RPUSD4: variants seen among roughly 807,000 people sequenced by gnomAD.
RPUSD4 encodes the protein RNA pseudouridine synthase D4, also known as pseudouridylate synthase RPUSD4, mitochondrial.
Under a neutral mutation model 35.4 loss-of-function variants are expected in RPUSD4, and 37 were observed. The observed-to-expected ratio is 1.04, with a 90% CI of 0.80 to 1.37. The LOEUF (loss-of-function observed/expected upper bound fraction) is 1.37. Ranked by LOEUF, RPUSD4 falls within the 40% of genes most tolerant of loss-of-function variation. RPUSD4 has a pLI of 0.00. For missense variants in RPUSD4, 507 were observed against 484.9 expected (o/e 1.05, Z -0.43); for synonymous variants, 210 against 192.7 (o/e 1.09, Z -0.74).
In RPUSD4 at chr11:126,203,596, G is replaced by C; in HGVS notation, c.956C>G (p.Pro319Arg). 1 of 1,614,190 alleles carries C rather than the reference G, an allele frequency of 6.2e-7. No homozygotes were observed. The change falls in exon 7 of 7, where the codon CCC (proline) becomes CGC (arginine). Residue 319 changes from proline (P) to arginine (R), a missense_variant. Pro to Arg is a moderately radical substitution (Grantham distance 103, BLOSUM62 -2). Transcript: ENST00000298317. ...GLEQSKARYIPLHLHARQLIL... is the reference protein window; with the variant it reads ...GLEQSKARYIRLHLHARQLIL... ...CAGCTGCCGGGCGTGCAGGTGAAGGGGGATGTAGCGGGCCTTCGACTGTTC... is the reference window on the plus strand; with the variant it reads ...CAGCTGCCGGGCGTGCAGGTGAAGGCGGATGTAGCGGGCCTTCGACTGTTC...
rs1329361784 is a variant in RPUSD4, at chr11:126,204,242, A to G, written c.883T>C (p.Leu295=). The G allele has an allele frequency of 1.9e-6, 3 of 1,613,064 alleles. No homozygotes were observed. Among genetic ancestry groups the G allele is most frequent in the Non-Finnish European group, 2.5e-6 (3 of 1,179,404 alleles). The change falls in exon 6 of 7, where the codon TTG becomes CTG. Residue 295 remains leucine (L), a synonymous_variant. Coordinates refer to ENST00000298317, the MANE Select transcript of RPUSD4 (RefSeq NM_032795.3). ...GDHKYSDWNR[L]APQKLSVGTL... ...CAAATTAGTATTACCTGGGGGGCCAACCTATTCCAGTCTGAGTACTTGTGA... is the reference window on the plus strand; with the variant it reads ...CAAATTAGTATTACCTGGGGGGCCAGCCTATTCCAGTCTGAGTACTTGTGA...
chr11:126,205,544 C>A lies in RPUSD4; in HGVS notation c.720G>T (p.Ala240=), dbSNP rs758635318. 6.2e-7 allele frequency: 1 copy of A among 1,614,248 alleles called. No individual in the cohort carries two copies. Among genetic ancestry groups the A allele is most frequent in the East Asian group, 2.2e-5 (1 of 44,892 alleles). Residue 240 remains alanine (A), a synonymous_variant, in exon 5 of 7, where the codon GCG becomes GCT. Coordinates refer to ENST00000298317, the MANE Select transcript of RPUSD4 (RefSeq NM_032795.3). ...KMVKVRRSRN[A]QVAVTQYQVL... Reference sequence around the variant, plus strand: ...CCTGGTACTGAGTTACAGCAACTTGCGCATTCCGGCTGCGCCGCACTTTCA... The same window carrying A: ...CCTGGTACTGAGTTACAGCAACTTGAGCATTCCGGCTGCGCCGCACTTTCA...
At chr11:126,203,678 C>T in intron 6 of RPUSD4, 21 bp from the exon 7 acceptor site, 1 of 1,599,464 alleles carries the variant, frequency 6.3e-7, no homozygotes, top group South Asian at 1.1e-5. Context: ...AAAGGACAGA[C>T]CCTTGAGAGC....
intron 1 of RPUSD4, 107 bp downstream of exon 1, chr11:126,211,343 G>A: frequency 8.0e-7 from 1 of 1,257,142 alleles, no homozygotes; most frequent in Non-Finnish European, 1.1e-6. Flanking sequence ...CTTGCGTCCG[G>A]GCTATTGACT....
In RPUSD4 at chr11:126,203,159, C is replaced by T. The variant is rs960876972; in HGVS notation, c.*259G>A. The T allele has an allele frequency of 6.6e-5, 29 of 440,222 alleles. No homozygotes were observed. Among genetic ancestry groups the T allele is most frequent in the Non-Finnish European group, 1.1e-4 (26 of 245,056 alleles). 27.3% of individuals were successfully genotyped at this position (440,222 alleles called of 1,614,324 possible). A position where few individuals can be genotyped will look rare whatever the true frequency, so the allele number is the denominator to read the frequency against. ...GTTCCATATTGGCAATGAGAGCCCA[C>T]GGCAGGGAGACTTCCAGCAGGCTTT... is the stretch of plus-strand genomic sequence containing the variant. On this transcript the variant is annotated 3_prime_UTR_variant, in exon 7 of 7. Coordinates refer to ENST00000298317, the MANE Select transcript of RPUSD4 (RefSeq NM_032795.3).
chr11:126,210,834 T>C, intron 2 of RPUSD4, 56 bp downstream of exon 2: 1 of 1,536,868 alleles, frequency 6.5e-7, no homozygotes, highest in South Asian at 1.2e-5. Context: ...TCAGTTTTCC[T>C]CGGTTGTAGC....
At chr11:126,210,658 T>C (rs1191018684) in intron 2 of RPUSD4, among the ~76,000 whole-genome samples, 1 of 152,128 alleles carries the variant, frequency 6.6e-6, no homozygotes, top group African/African-American at 2.4e-5. Context: ...CCCTGTAGTC[T>C]GCACACAGCG....
At chr11:126,210,747 T>TGAAA in intron 2 of RPUSD4, 143 bp downstream of exon 2, 1 of 675,506 alleles carries the variant, frequency 1.5e-6, no homozygotes, top group Non-Finnish European at 2.4e-6. Flanking sequence ...TCTCGGTGGT[T>TGAAA]CCTTATATTG....
chr11:126,207,160 C>T (rs1379635488), intron 3 of RPUSD4, among the ~76,000 whole-genome samples: 1 of 152,152 alleles, frequency 6.6e-6, no homozygotes, highest in Non-Finnish European at 1.5e-5. Flanking sequence ...TCTTATTTAA[C>T]TATCTCATAA....
chr11:126,203,811 C>T (rs112023448), intron 6 of RPUSD4, among the ~76,000 whole-genome samples, 154 bp from the exon 7 acceptor site: 1 of 152,214 alleles, frequency 6.6e-6, no homozygotes, highest in East Asian at 1.9e-4. Flanking sequence ...TGTCTAAGAA[C>T]GGCTCAGAAC....
At chr11:126,203,693 C>A in intron 6 of RPUSD4, 36 bp from the exon 7 acceptor site, 1 of 1,590,650 alleles carries the variant, frequency 6.3e-7, no homozygotes, top group Non-Finnish European at 8.6e-7. Flanking sequence ...GAGAGCAAGG[C>A]CAACAGTCCA....
chr11:126,205,419 T>C (rs370143751), intron 5 of RPUSD4, 49 bp downstream of exon 5: 226 of 1,608,428 alleles, frequency 1.4e-4, no homozygotes, highest in Non-Finnish European at 1.9e-4. Context: ...GGACAAAACC[T>C]GGTGGCACAG....
intron 1 of RPUSD4, 149 bp downstream of exon 1, chr11:126,211,301 C>CCCT: frequency 1.0e-6 from 1 of 997,058 alleles, no homozygotes; most frequent in South Asian, 1.6e-5. Context: ...CCTTACTGAC[C>CCCT]CCTCCCCTCC....
At chr11:126,210,506 T>C (rs1195864835) in intron 2 of RPUSD4, among the ~76,000 whole-genome samples, 2 of 127,536 alleles carry the variant, frequency 1.6e-5, no homozygotes, top group Admixed American at 8.0e-5. Context: ...ATGTTACATA[T>C]ACTCCAACAT....
intron 3 of RPUSD4, 21 bp downstream of exon 3, chr11:126,209,500 T>C: frequency 6.2e-7 from 1 of 1,605,276 alleles, no homozygotes; most frequent in Non-Finnish European, 8.5e-7. Flanking sequence ...CCACCTCTAC[T>C]GCCATCAGCA....
At chr11:126,204,456 A>G in intron 5 of RPUSD4, 128 bp from the exon 6 acceptor site, 2 of 632,656 alleles carry the variant, frequency 3.2e-6, no homozygotes, top group Non-Finnish European at 5.4e-6. Context: ...CAACTATAAT[A>G]AAGTATAACG....
At position 126,203,501 on chromosome 11, in the gene RPUSD4, G is replaced by A. The variant is rs1949735326; in HGVS notation, c.1051C>T (p.His351Tyr). The stretch of plus-strand genomic sequence containing the variant: ...TCTAAACGCAGGCGGTGCAGGGAAT[G>A]CACAAAGAAGCGAGGAAGTTTGCAG... The part of the protein sequence containing the change: ...LVCKLPRFFV[H>Y]SLHRLRLEMP... Residue 351 changes from histidine (H) to tyrosine (Y), a missense_variant, in exon 7 of 7, where the codon CAT becomes TAT. Coordinates refer to ENST00000298317, the MANE Select transcript of RPUSD4 (RefSeq NM_032795.3). 6.2e-7 allele frequency: 1 copy of A among 1,614,180 alleles called. No homozygotes were observed. The highest frequency in any genetic ancestry group is 8.5e-7 in the Non-Finnish European group (1 of 1,180,036).
At chr11:126,203,806 AAGAACGGCTC>A (rs1283794080) in intron 6 of RPUSD4, 149 bp from the exon 7 acceptor site, 32 of 1,058,620 alleles carry the variant, frequency 3.0e-5, no homozygotes, top group Non-Finnish European at 4.0e-5. Context: ...TGGCATGTCT[AAGAACGGCTC>A]AGAACTCAGG....
rs541751801 is a variant in RPUSD4 at position 126,202,504 on chromosome 11, C to A, written c.*914G>T. The A allele has an allele frequency of 3.9e-5, 6 of 152,352 alleles. No individual in the cohort carries two copies. The highest frequency in any genetic ancestry group is 2.1e-4 in the South Asian group (1 of 4,826). The allele number at this position is 152,352 out of a possible 1,614,324, so 9.4% of individuals were successfully genotyped here. On this transcript the variant is annotated 3_prime_UTR_variant, in exon 7 of 7. Coordinates refer to ENST00000298317, the MANE Select transcript of RPUSD4 (RefSeq NM_032795.3). ...AAGCCTAGAAAGGATACATACTACA[C>A]GCAGCGAAAATGCCAACCACTGATC...
Sources: allele counts gnomAD v4.1 joint callset (sites outside exome capture counted in the v4.1 genomes callset), GRCh38; gene constraint gnomAD v4.1.1; transcripts MANE v1.5; gene names NCBI Gene and HGNC (gene_info 2026-07-23, HGNC 2026-07-21).